The following HTR4 variants were observed in gnomAD, a reference collection of about 807,000 sequenced individuals.
The protein encoded by HTR4 is 5-hydroxytryptamine (serotonin) receptor 4, G protein-coupled.
HTR4 carries 16 observed loss-of-function variants against 36.8 expected under a neutral mutation model. The ratio of observed to expected loss-of-function variants is 0.43; its 90% confidence interval spans 0.29 to 0.66. The LOEUF (loss-of-function observed/expected upper bound fraction) is 0.66. Ranked by LOEUF, HTR4 falls within the 30% of genes least tolerant of loss-of-function variation. The pLI is 0.13. For missense variants in HTR4, 438 were observed against 490.9 expected (o/e 0.89, Z 1.02); for synonymous variants, 189 against 185.1 (o/e 1.02, Z -0.17).
At chr5:148,568,246 T>G (rs1760532327) in intron 2 of HTR4, among the ~76,000 whole-genome samples, 1 of 152,114 alleles carries the variant, frequency 6.6e-6, no homozygotes, top group Non-Finnish European at 1.5e-5. Flanking sequence ...AAGTTTAGGG[T>G]TTTTGGCCAC....
rs1413033019 is a variant in HTR4 at position 148,482,271 on chromosome 5, T to C, written c.*932A>G. The stretch of plus-strand genomic sequence containing the variant: ...TCCTTTGGCAGCAACAAAGCCAGAT[T>C]GAAGGGTTTCAAAATGATATCACAA... On this transcript the variant is annotated 3_prime_UTR_variant, in exon 7 of 7. Transcript: ENST00000377888. The C allele has an allele frequency of 3.0e-6, 3 of 985,388 alleles. No individual in the cohort carries two copies. The highest frequency in any genetic ancestry group is 3.6e-6 in the Non-Finnish European group (3 of 830,010). 61.0% of individuals were successfully genotyped at this position (985,388 alleles called of 1,614,324 possible). A position where few individuals can be genotyped will look rare whatever the true frequency, so the allele number is the denominator to read the frequency against.
chr5:148,606,188 A>G (rs1161063724), intron 2 of HTR4, among the ~76,000 whole-genome samples: 2 of 152,176 alleles, frequency 1.3e-5, no homozygotes, highest in African/African-American at 2.4e-5. Flanking sequence ...TATGAGAAGT[A>G]CTTTGAAAGG....
At chr5:148,620,431 G>T (rs1752872961) in intron 2 of HTR4, among the ~76,000 whole-genome samples, 1 of 152,188 alleles carries the variant, frequency 6.6e-6, no homozygotes, top group Non-Finnish European at 1.5e-5. Context: ...GTATGTTCTA[G>T]AACTATACTG....
At chr5:148,563,060 A>G (rs1760283548) in intron 2 of HTR4, among the ~76,000 whole-genome samples, 1 of 152,182 alleles carries the variant, frequency 6.6e-6, no homozygotes, top group Non-Finnish European at 1.5e-5. Context: ...TGCCCTTAAG[A>G]TGGCTTGTCA....
intron 2 of HTR4, among the ~76,000 whole-genome samples, chr5:148,590,140 A>C (rs1415794089): frequency 1.3e-5 from 2 of 152,080 alleles, no homozygotes; most frequent in Non-Finnish European, 2.9e-5. Flanking sequence ...TTTGTTGAAG[A>C]TGTTCTGCCT....
At chr5:148,515,058 A>T (rs1177022842) in intron 5 of HTR4, among the ~76,000 whole-genome samples, 1 of 151,998 alleles carries the variant, frequency 6.6e-6, no homozygotes, top group Admixed American at 6.6e-5. Context: ...TTTGTCTATA[A>T]TCTTACTGTT....
rs923878387 is a variant in HTR4, at chr5:148,654,058, A to G, written c.-48+4T>C. On this transcript the variant is annotated splice_donor_region_variant and intron_variant, in intron 1 of 6. Transcript: ENST00000377888. ...CCGACCCCCGGCGCACTTGCCGCACATACCCGCTGCCAGAGGCGAGGGAGC... is the reference window on the plus strand; with the variant it reads ...CCGACCCCCGGCGCACTTGCCGCACGTACCCGCTGCCAGAGGCGAGGGAGC... 1 of 984,964 alleles carries G rather than the reference A, an allele frequency of 1.0e-6. No homozygotes were observed. Among genetic ancestry groups the G allele is most frequent in the Non-Finnish European group, 1.2e-6 (1 of 829,812 alleles). 61.0% of individuals were successfully genotyped at this position (984,964 alleles called of 1,614,324 possible). A position where few individuals can be genotyped will look rare whatever the true frequency, so the allele number is the denominator to read the frequency against.
At chr5:148,483,348 A>G (rs893959291) in intron 6 of HTR4, 55 bp from the exon 7 acceptor site, 16 of 1,511,180 alleles carry the variant, frequency 1.1e-5, no homozygotes, top group Non-Finnish European at 1.4e-5. Flanking sequence ...GTTGCAGATC[A>G]TCTCCTGAAA....
At chr5:148,558,375 T>C (rs1760050133) in intron 2 of HTR4, among the ~76,000 whole-genome samples, 1 of 152,182 alleles carries the variant, frequency 6.6e-6, no homozygotes, top group Non-Finnish European at 1.5e-5. Flanking sequence ...GACAGCCTTC[T>C]TCCTGACTCC....
intron 2 of HTR4, among the ~76,000 whole-genome samples, chr5:148,559,379 G>T (rs771972090): frequency 6.6e-6 from 1 of 152,014 alleles, no homozygotes; most frequent in Non-Finnish European, 1.5e-5. Context: ...ATATAGGAGC[G>T]ATAAACTCAG....
chr5:148,604,399 G>A (rs1752057004), intron 2 of HTR4, among the ~76,000 whole-genome samples: 1 of 152,132 alleles, frequency 6.6e-6, no homozygotes, highest in Non-Finnish European at 1.5e-5. Flanking sequence ...GCATTTGCCA[G>A]GATGGGGAGA....
chr5:148,621,589 A>G (rs1319263360), intron 2 of HTR4, among the ~76,000 whole-genome samples: 1 of 152,180 alleles, frequency 6.6e-6, no homozygotes, highest in African/African-American at 2.4e-5. Context: ...TGAACTTTTC[A>G]ATTAGGTGAG....
rs768132790 is a variant in HTR4, at chr5:148,501,914, G to A, written c.1076+7542C>T. Reference sequence around the variant, plus strand: ...CTCTACTAAAAATACAAAAAAATTAGCCAGGCATGGTGGCAGGTGCCTGTA... The same window carrying A: ...CTCTACTAAAAATACAAAAAAATTAACCAGGCATGGTGGCAGGTGCCTGTA... On this transcript the variant is annotated intron_variant, in intron 6 of 6. Coordinates refer to ENST00000377888, the MANE Select transcript of HTR4 (RefSeq NM_000870.7). Among the ~76,000 whole-genome samples the A allele has an allele frequency of 2.6e-5, 4 of 152,134 alleles. No individual in the cohort carries two copies. The East Asian group carries it at 7.8e-4, about 29-fold the overall frequency.
chr5:148,514,019 G>C (rs1039466792), intron 5 of HTR4, among the ~76,000 whole-genome samples: 1 of 152,054 alleles, frequency 6.6e-6, no homozygotes, highest in Non-Finnish European at 1.5e-5. Flanking sequence ...ACATTCTTTT[G>C]AATTTTCTCC....
At chr5:148,574,390 G>GCTCTCT (rs137966163) in intron 2 of HTR4, among the ~76,000 whole-genome samples, 110 of 148,606 alleles carry the variant, frequency 7.4e-4, no homozygotes, top group Non-Finnish European at 1.3e-3. Flanking sequence ...GCTCTCGCGC[G>GCTCTCT]CTCTCTCTCT....
intron 5 of HTR4, among the ~76,000 whole-genome samples, chr5:148,453,296 T>C (rs570263567): frequency 1.3e-5 from 2 of 152,194 alleles, no homozygotes; most frequent in African/African-American, 2.4e-5. Context: ...CTATTCTAAG[T>C]GTCTAAGTTT....
downstream of HTR4, among the ~76,000 whole-genome samples, chr5:148,481,256 C>T (rs1386550688): frequency 6.6e-6 from 1 of 152,198 alleles, no homozygotes; most frequent in African/African-American, 2.4e-5. Flanking sequence ...GGCAGGGGAA[C>T]AATGACTTGA....
At chr5:148,457,040 G>A (rs77740523) in intron 5 of HTR4, among the ~76,000 whole-genome samples, 4 of 152,270 alleles carry the variant, frequency 2.6e-5, no homozygotes, top group East Asian at 3.9e-4. Flanking sequence ...AGGTCACTTA[G>A]AGCAGCTTGG....
chr5:148,548,406 CATCTATTGCT>C (rs1183222851), intron 4 of HTR4, among the ~76,000 whole-genome samples: 4 of 152,158 alleles, frequency 2.6e-5, no homozygotes, highest in Non-Finnish European at 4.4e-5. Context: ...TGATTGCTGA[CATCTATTGCT>C]ATTTAGATTG....
Sources: allele counts gnomAD v4.1 joint callset (sites outside exome capture counted in the v4.1 genomes callset), GRCh38; gene constraint gnomAD v4.1.1; transcripts MANE v1.5; gene names NCBI Gene and HGNC (gene_info 2026-07-23, HGNC 2026-07-21).